KLRD1: variants seen among roughly 807,000 people sequenced by gnomAD.
The protein encoded by KLRD1 is natural killer cells antigen CD94.
Under a neutral mutation model 22.6 loss-of-function variants are expected in KLRD1, and 21 were observed. That is an observed-to-expected ratio of 0.93 (90% CI 0.66 to 1.34). The LOEUF is 1.34. KLRD1 is among the 40% of genes most tolerant of loss of function. The pLI, the probability that KLRD1 is intolerant of heterozygous loss-of-function variation, is 0.00. For synonymous variants in KLRD1, 59 were observed against 71.1 expected (o/e 0.83, Z 0.85); for missense variants, 183 against 208.6 (o/e 0.88, Z 0.76).
At chr12:10,251,279 C>G (rs758389186) in intron 1 of KLRD1, among the ~76,000 whole-genome samples, 1 of 152,092 alleles carries the variant, frequency 6.6e-6, no homozygotes, top group Non-Finnish European at 1.5e-5. Context: ...CAAGCACCAC[C>G]AAGCCGGGCT....
chr12:10,250,128 G>GA (rs1265778673), intron 1 of KLRD1, among the ~76,000 whole-genome samples: 5 of 151,090 alleles, frequency 3.3e-5, no homozygotes, highest in African/African-American at 1.2e-4. Flanking sequence ...AACCTAGAAG[G>GA]AAACATTTAC....
At chr12:10,251,147 T>C (rs549926496) in intron 1 of KLRD1, among the ~76,000 whole-genome samples, 8 of 151,734 alleles carry the variant, frequency 5.3e-5, no homozygotes, top group Non-Finnish European at 1.2e-4. Context: ...CTTTTTGAGA[T>C]GGGGTCTCAC....
intron 1 of KLRD1, among the ~76,000 whole-genome samples, chr12:10,272,105 GA>G (rs1949556077): frequency 6.6e-6 from 1 of 152,086 alleles, no homozygotes; most frequent in Admixed American, 6.6e-5. Flanking sequence ...AGCAAGAGTA[GA>G]AATATTCAAA....
chr12:10,278,457 G>A (rs943455124), intron 1 of KLRD1, among the ~76,000 whole-genome samples: 2 of 152,042 alleles, frequency 1.3e-5, no homozygotes, highest in Admixed American at 1.3e-4. Context: ...GTTAAGCTTT[G>A]GTATGGCCTC....
chr12:10,313,010 G>A (rs532629412), intron 4 of KLRD1, among the ~76,000 whole-genome samples: 142 of 151,770 alleles, frequency 9.4e-4, no homozygotes, highest in Non-Finnish European at 1.8e-3. Context: ...AAGAAAAAGC[G>A]AAAAACTTCT....
chr12:10,272,149 T>C (rs993417735), intron 1 of KLRD1, among the ~76,000 whole-genome samples: 2 of 152,178 alleles, frequency 1.3e-5, no homozygotes, highest in African/African-American at 4.8e-5. Flanking sequence ...CCTCCTCTTA[T>C]AGTTGAATTT....
intron 1 of KLRD1, among the ~76,000 whole-genome samples, chr12:10,276,048 T>G (rs1323595683): frequency 6.6e-6 from 1 of 152,200 alleles, no homozygotes; most frequent in Non-Finnish European, 1.5e-5. Context: ...AACTATACTT[T>G]TTTTGCATTG....
chr12:10,243,607 C>CAAAAAAAA (rs34864670), intron 1 of KLRD1, among the ~76,000 whole-genome samples: 14 of 28,804 alleles, frequency 4.9e-4, no homozygotes, highest in African/African-American at 2.4e-3. Context: ...AGTGAGACTC[C>CAAAAAAAA]AAAAAAAAAA....
rs750696767 is a variant in KLRD1 at position 10,324,818 on chromosome 12, G to GTGTGTGTGTGTGTGTATA, written c.*10026_*10027insGTGTGTGTGTGTGTATAT. 2.7e-5 allele frequency: 2 copies of GTGTGTGTGTGTGTGTATA among 74,144 alleles called. No homozygotes were observed. The highest frequency in any genetic ancestry group is 5.3e-5 in the Non-Finnish European group (2 of 37,694). 4.6% of individuals were successfully genotyped at this position (74,144 alleles called of 1,614,324 possible). ...AGTATATATGTATATGTGTGTGTGTGTATATATATATATATATATATATAT... is the reference window on the plus strand; with the variant it reads ...AGTATATATGTATATGTGTGTGTGTGTGTGTGTGTGTGTGTATATATATATATATATATATATATATAT... On this transcript the variant is annotated 3_prime_UTR_variant, in exon 6 of 6. Transcript: ENST00000336164.
At chr12:10,253,877 A>G (rs1010932531) in intron 1 of KLRD1, among the ~76,000 whole-genome samples, 1 of 152,174 alleles carries the variant, frequency 6.6e-6, no homozygotes, top group African/African-American at 2.4e-5. Flanking sequence ...TGCAGTTATC[A>G]TTCACATGCA....
intron 1 of KLRD1, among the ~76,000 whole-genome samples, chr12:10,245,314 C>T (rs1383603388): frequency 6.6e-6 from 1 of 152,042 alleles, no homozygotes; most frequent in Non-Finnish European, 1.5e-5. Context: ...GCCAAGATTG[C>T]GCCACTGCAC....
intron 1 of KLRD1, among the ~76,000 whole-genome samples, chr12:10,254,387 G>A (rs1322108961): frequency 1.4e-5 from 2 of 139,282 alleles, no homozygotes; most frequent in Non-Finnish European, 3.0e-5. Context: ...AGCCGAGATC[G>A]CGCCACTGCA....
chr12:10,241,264 C>T (rs745806331), intron 1 of KLRD1, among the ~76,000 whole-genome samples: 1 of 152,122 alleles, frequency 6.6e-6, no homozygotes, highest in South Asian at 2.1e-4. Flanking sequence ...TTAGGTTACT[C>T]TTTGTTACGG....
At chr12:10,266,063 T>C (rs1319775139) in intron 1 of KLRD1, among the ~76,000 whole-genome samples, 2 of 152,202 alleles carry the variant, frequency 1.3e-5, no homozygotes, top group Non-Finnish European at 2.9e-5. Context: ...TGCATGCTTA[T>C]GAATAAATTT....
At chr12:10,239,155 A>G (rs1382513693) in intron 1 of KLRD1, among the ~76,000 whole-genome samples, 2 of 152,250 alleles carry the variant, frequency 1.3e-5, no homozygotes, top group Non-Finnish European at 2.9e-5. Flanking sequence ...TTTTTACAGT[A>G]TCATGAGATG....
chr12:10,249,350 CAAA>C (rs1179717983), intron 1 of KLRD1, among the ~76,000 whole-genome samples: 1 of 152,132 alleles, frequency 6.6e-6, no homozygotes, highest in African/African-American at 2.4e-5. Context: ...GAATTGCAAA[CAAA>C]GAAGACAGAA....
At chr12:10,260,389 A>G (rs1474759206) in intron 1 of KLRD1, among the ~76,000 whole-genome samples, 1 of 150,786 alleles carries the variant, frequency 6.6e-6, no homozygotes, top group East Asian at 1.9e-4. Context: ...TTGTCATTTT[A>G]TTCACCCTGC....
rs563508078 is a variant in KLRD1 at position 10,327,105 on chromosome 12, T to G, written c.*12312T>G. On this transcript the variant is annotated 3_prime_UTR_variant, in exon 6 of 6. Transcript: ENST00000336164. The stretch of plus-strand genomic sequence containing the variant: ...TTGCATATGGTGTAAGATAAGCAAT[T>G]TCTTTGCAATATGGATGTTCATTTT... 6.6e-6 allele frequency: 1 copy of G among 152,326 alleles called. No homozygotes were observed. Among genetic ancestry groups the G allele is most frequent in the South Asian group, 2.1e-4 (1 of 4,826 alleles). 9.4% of individuals were successfully genotyped at this position (152,326 alleles called of 1,614,324 possible). A position where few individuals can be genotyped will look rare whatever the true frequency, so the allele number is the denominator to read the frequency against.
At chr12:10,289,072 G>A (rs1949739984) in intron 1 of KLRD1, among the ~76,000 whole-genome samples, 2 of 152,222 alleles carry the variant, frequency 1.3e-5, no homozygotes, top group South Asian at 2.1e-4. Flanking sequence ...AATGTAGACA[G>A]TTTTGCCTAA....
Sources: gnomAD v4.1 joint callset for allele counts (sites outside exome capture counted in the v4.1 genomes callset) on GRCh38, gnomAD v4.1.1 for gene constraint, MANE v1.5 for transcripts, NCBI Gene and HGNC (gene_info 2026-07-23, HGNC 2026-07-21) for gene names.